The following NGDN variants were observed in gnomAD, a reference collection of about 807,000 sequenced individuals.
NGDN encodes the protein EIF4E-binding protein.
A neutral mutation model predicts 45.2 loss-of-function variants in NGDN; 41 were observed. The ratio of observed to expected loss-of-function variants is 0.91; its 90% CI spans 0.71 to 1.18. The LOEUF is 1.18. NGDN is among the 50% of genes most tolerant of loss of function. The probability of loss-of-function intolerance (pLI) is 0.00; values close to 1 mark genes in which losing one functional copy is unlikely to be tolerated. For synonymous variants in NGDN, 137 were observed against 130.9 expected, an observed-to-expected ratio of 1.05 and a Z score of -0.32; for missense variants, 402 against 399.9, an observed-to-expected ratio of 1.01 and a Z score of -0.05.
chr14:23,475,447 C>T (rs1893875585), intron 4 of NGDN, 111 bp from the exon 5 acceptor site: 1 of 1,350,642 alleles, frequency 7.4e-7, no homozygotes, highest in Non-Finnish European at 1.0e-6. Flanking sequence ...TATTCATTTG[C>T]TCTACTTTGT....
At position 23,475,798 on chromosome 14, in the gene NGDN, T is replaced by G; in HGVS notation, c.420+20T>G. 1.2e-6 allele frequency: 2 copies of G among 1,609,034 alleles called. No individual in the cohort carries two copies. The highest frequency in any genetic ancestry group is 1.7e-6 in the Non-Finnish European group (2 of 1,178,384). Reference sequence around the variant, plus strand: ...AGCAAGGTAAGGGGTTGTAGTATTCTCCTGATTTTTTTCTGAGGCAGCTAT... The same window carrying G: ...AGCAAGGTAAGGGGTTGTAGTATTCGCCTGATTTTTTTCTGAGGCAGCTAT... On this transcript the variant is annotated intron_variant, in intron 6 of 10. Transcript: ENST00000408901.
intron 3 of NGDN, 102 bp downstream of exon 3, chr14:23,471,079 C>T (rs1893767578): frequency 1.4e-5 from 10 of 732,488 alleles, no homozygotes; most frequent in Admixed American, 1.1e-4. Context: ...GCTCGAGCTT[C>T]AAACATAAAT....
Position 23,475,576 on chromosome 14 carries a change from C to T in NGDN, c.301C>T (p.Pro101Ser), listed in dbSNP as rs1270573559. 2 of 1,614,048 alleles carry T rather than the reference C, an allele frequency of 1.2e-6. No individual in the cohort carries two copies. Among genetic ancestry groups the T allele is most frequent in the Non-Finnish European group, 1.7e-6 (2 of 1,180,014 alleles). ...EIRTVLEKLR[P>S]LDQKLKYQID... ...GTTGTAGGTTTTGGAAAAGCTTCGTCCCTTGGACCAAAAGCTGAAGTATCA... is the reference window on the plus strand; with the variant it reads ...GTTGTAGGTTTTGGAAAAGCTTCGTTCCTTGGACCAAAAGCTGAAGTATCA... The change falls in exon 5 of 11, where the codon CCC becomes TCC. Residue 101 changes from proline (P) to serine (S), a missense_variant. Pro to Ser is a moderately conservative substitution (Grantham distance 74). Coordinates refer to ENST00000408901, the MANE Select transcript of NGDN (RefSeq NM_001042635.2).
At chr14:23,470,401 A>T in intron 2 of NGDN, 2 of 331,740 alleles carry the variant, frequency 6.0e-6, no homozygotes, top group Non-Finnish European at 1.1e-5. Flanking sequence ...ACACACTTAT[A>T]TACAGATGCT....
rs1893895661 is a variant in NGDN, at chr14:23,476,100, G to T, written c.492G>T (p.Val164=). 6.2e-7 allele frequency: 1 copy of T among 1,614,178 alleles called. No homozygotes were observed. Among genetic ancestry groups the T allele is most frequent in the South Asian group, 1.1e-5 (1 of 91,086 alleles). ...DQSEASGKKS[V]KGVSKKYVPP... is the part of the protein sequence containing the mutation. ...CTGAGGCTTCAGGGAAGAAATCTGT[G>T]AAGGGAGTGTCTAAGAAATATGTTC... The change falls in exon 7 of 11, where the codon GTG becomes GTT. Residue 164 remains valine (V), a synonymous_variant. Transcript: ENST00000408901.
intron 8 of NGDN, 71 bp downstream of exon 8, chr14:23,476,478 C>A: frequency 7.8e-7 from 1 of 1,290,166 alleles, no homozygotes; most frequent in South Asian, 1.5e-5. Flanking sequence ...ACTAATGTGA[C>A]TAAGTTTGGT....
intron 6 of NGDN, 53 bp downstream of exon 6, chr14:23,475,831 T>C (rs552933511): frequency 6.5e-6 from 10 of 1,548,642 alleles, no homozygotes; most frequent in Non-Finnish European, 8.9e-6. Context: ...TATACCTAGA[T>C]GAGCCTCTTG....
downstream of NGDN, chr14:23,478,203 C>A: frequency 3.6e-6 from 2 of 557,588 alleles, no homozygotes; most frequent in Non-Finnish European, 3.0e-6. Flanking sequence ...ATGTATTGTA[C>A]GACTGGAGTC....
chr14:23,477,934 G>A (rs2138727844), intron 10 of NGDN, 73 bp from the exon 11 acceptor site: 4 of 1,613,880 alleles, frequency 2.5e-6, no homozygotes, highest in South Asian at 1.1e-5. Flanking sequence ...CTTCCCTCTA[G>A]ATGTCCTGTT....
chr14:23,477,959 G>A (rs1334645479), intron 10 of NGDN, 48 bp from the exon 11 acceptor site: 1 of 1,614,044 alleles, frequency 6.2e-7, no homozygotes, highest in East Asian at 2.2e-5. Context: ...TGTCCCTTTA[G>A]CTTTTCCAAC....
rs1386097503 is a variant in NGDN, at chr14:23,475,322, G to T, written c.282+14G>T. ...GAGATTCGCACGGTATGAAGCATTT[G>T]GCTTCTTGGAGTTTTAGGTTTCTAA... On this transcript the variant is annotated intron_variant, in intron 4 of 10. Transcript: ENST00000408901. The T allele has an allele frequency of 6.2e-7, 1 of 1,601,690 alleles. No individual in the cohort carries two copies. Among genetic ancestry groups the T allele is most frequent in the Non-Finnish European group, 8.5e-7 (1 of 1,175,056 alleles).
chr14:23,475,300 A>G lies in NGDN; in HGVS notation c.274A>G (p.Ile92Val), dbSNP rs757930257. The change falls in exon 4 of 11, where the codon ATT becomes GTT. Residue 92 changes from isoleucine (I) to valine (V), a missense_variant. By Grantham distance (29) the Ile-to-Val change is conservative. Transcript: ENST00000408901. ...TGATGCAGTTTTGAGACTGGTGGAG[A>G]TTCGCACGGTATGAAGCATTTGGCT... is the stretch of plus-strand genomic sequence containing the variant. ...GHDAVLRLVE[I>V]RTVLEKLRPL... 1.9e-6 allele frequency: 3 copies of G among 1,612,092 alleles called. No individual in the cohort carries two copies. In the East Asian group the frequency reaches 6.7e-5, roughly 36 times the overall value.
chr14:23,476,999 G>A (rs2138726655), intron 8 of NGDN, among the ~76,000 whole-genome samples: 1 of 152,254 alleles, frequency 6.6e-6, no homozygotes, highest in East Asian at 1.9e-4. Flanking sequence ...CATGAGGGAA[G>A]TTCTAGCACA....
rs764840861 is a variant in NGDN, at chr14:23,476,438, G to A, written c.713+31G>A. On this transcript the variant is annotated intron_variant, in intron 8 of 10. Coordinates refer to ENST00000408901, the MANE Select transcript of NGDN (RefSeq NM_001042635.2). ...AGCCCTTGCATTAGAAATTATTCCT[G>A]CACTCTAGAGTCCTGTCCTCATGCT... 2.5e-6 allele frequency: 4 copies of A among 1,579,126 alleles called. 1 individual carries two copies. The highest frequency in any genetic ancestry group is 1.7e-5 in the Admixed American group (1 of 58,470).
chr14:23,476,575 G>A (rs574375098), intron 8 of NGDN, among the ~76,000 whole-genome samples, 168 bp downstream of exon 8: 1 of 152,266 alleles, frequency 6.6e-6, no homozygotes, highest in African/African-American at 2.4e-5. Context: ...GTTCAGGATA[G>A]AAACTAGGAA....
chr14:23,470,272 C>T (rs1893744009), intron 2 of NGDN, 171 bp downstream of exon 2: 2 of 587,164 alleles, frequency 3.4e-6, no homozygotes, highest in Admixed American at 3.2e-5. Context: ...ATTCTGCACC[C>T]AAGGGAATAC....
intron 2 of NGDN, chr14:23,470,372 C>T (rs1893746112): frequency 4.5e-6 from 2 of 440,264 alleles, no homozygotes; most frequent in South Asian, 2.8e-5. Flanking sequence ...ATGACTTGCC[C>T]TTTGGGTGCC....
chr14:23,471,068 T>C (rs1017790471), intron 3 of NGDN, 91 bp downstream of exon 3: 1 of 835,348 alleles, frequency 1.2e-6, no homozygotes, highest in Non-Finnish European at 1.8e-6. Flanking sequence ...ATATCCTAAG[T>C]GCTCGAGCTT....
rs1303305724 is a variant in NGDN, at chr14:23,475,266, T to G, written c.240T>G (p.Leu80=). 1 of 1,614,096 alleles carries G rather than the reference T, an allele frequency of 6.2e-7. No individual in the cohort carries two copies. Among genetic ancestry groups the G allele is most frequent in the African/African-American group, 1.3e-5 (1 of 75,044 alleles). Residue 80 remains leucine (L), a synonymous_variant, in exon 4 of 11, where the codon CTT becomes CTG. Coordinates refer to ENST00000408901, the MANE Select transcript of NGDN (RefSeq NM_001042635.2). The part of the protein sequence containing the change: ...LILDKASGGS[L]QGHDAVLRLV... ...TGGACAAAGCCTCAGGAGGATCTCT[T>G]CAGGGACATGATGCAGTTTTGAGAC...
Sources: gnomAD v4.1 joint callset for allele counts (sites outside exome capture counted in the v4.1 genomes callset) on GRCh38, gnomAD v4.1.1 for gene constraint, MANE v1.5 for transcripts, NCBI Gene and HGNC (gene_info 2026-07-23, HGNC 2026-07-21) for gene names.